Variants in KCTD8 observed in about 807,000 individuals in gnomAD.
The protein encoded by KCTD8 is potassium channel tetramerization domain containing 8.
KCTD8 carries 27 observed loss-of-function variants against 31.5 expected under a neutral mutation model. The observed-to-expected ratio is 0.86, with a 90% CI of 0.63 to 1.18. KCTD8 has a LOEUF of 1.18. Ranked by LOEUF, KCTD8 falls within the 50% of genes most tolerant of loss-of-function variation. KCTD8 has a pLI of 0.00. For missense variants in KCTD8, 658 were observed against 647.7 expected (o/e 1.02, Z -0.17); for synonymous variants, 290 against 280.0 (o/e 1.04, Z -0.36).
chr4:44,441,032 A>G (rs969356286), intron 1 of KCTD8, among the ~76,000 whole-genome samples: 4 of 152,236 alleles, frequency 2.6e-5, no homozygotes, highest in Non-Finnish European at 5.9e-5. Context: ...TCAGACACTA[A>G]TCAGAAACTG....
intron 1 of KCTD8, among the ~76,000 whole-genome samples, chr4:44,342,507 G>A (rs572413098): frequency 1.4e-4 from 21 of 152,176 alleles, no homozygotes; most frequent in African/African-American, 4.3e-4. Flanking sequence ...TAGAGCACAC[G>A]TCAAGTATAT....
At chr4:44,356,231 C>A (rs1271922725) in intron 1 of KCTD8, among the ~76,000 whole-genome samples, 1 of 152,028 alleles carries the variant, frequency 6.6e-6, no homozygotes, top group Admixed American at 6.6e-5. Context: ...AATATTTTAC[C>A]TGCTTTACCA....
At chr4:44,375,344 A>G (rs1719892188) in intron 1 of KCTD8, among the ~76,000 whole-genome samples, 1 of 152,202 alleles carries the variant, frequency 6.6e-6, no homozygotes, top group Non-Finnish European at 1.5e-5. Flanking sequence ...AAATCAAGGT[A>G]GCCTAGGAAA....
At chr4:44,304,610 A>C (rs1456147316) in intron 1 of KCTD8, among the ~76,000 whole-genome samples, 1 of 152,178 alleles carries the variant, frequency 6.6e-6, no homozygotes, top group African/African-American at 2.4e-5. Context: ...TTGTAGATTA[A>C]ACTCTTATAC....
intron 1 of KCTD8, among the ~76,000 whole-genome samples, chr4:44,348,311 T>C (rs1044661779): frequency 3.3e-5 from 5 of 152,168 alleles, no homozygotes; most frequent in African/African-American, 1.2e-4. Context: ...AATGCAATAA[T>C]GCCGCTATCA....
intron 1 of KCTD8, among the ~76,000 whole-genome samples, chr4:44,372,513 A>G (rs563419249): frequency 6.6e-6 from 1 of 152,346 alleles, no homozygotes; most frequent in South Asian, 2.1e-4. Context: ...TTTTAGGAAC[A>G]GTTAAACTGA....
At chr4:44,414,490 C>T (rs1163275994) in intron 1 of KCTD8, among the ~76,000 whole-genome samples, 4 of 151,960 alleles carry the variant, frequency 2.6e-5, no homozygotes, top group African/African-American at 4.8e-5. Context: ...ATAAATGTGT[C>T]GAAAGTAGGG....
intron 1 of KCTD8, among the ~76,000 whole-genome samples, chr4:44,401,069 A>C (rs1017797807): frequency 2.5e-5 from 3 of 119,682 alleles, no homozygotes; most frequent in African/African-American, 6.7e-5. Flanking sequence ...TCTAGGCTGG[A>C]CTCAAACTCC....
intron 1 of KCTD8, among the ~76,000 whole-genome samples, chr4:44,352,547 GTATAT>G (rs1719230089): frequency 6.9e-6 from 1 of 145,322 alleles, no homozygotes; most frequent in African/African-American, 2.5e-5. Context: ...TTATATTTTT[GTATAT>G]TATATATTAA....
intron 1 of KCTD8, among the ~76,000 whole-genome samples, chr4:44,195,850 C>T (rs1713925366): frequency 6.6e-6 from 1 of 152,042 alleles, no homozygotes; most frequent in Non-Finnish European, 1.5e-5. Context: ...AATATAGATG[C>T]TGGTTAATTC....
intron 1 of KCTD8, among the ~76,000 whole-genome samples, chr4:44,342,882 C>A (rs371863775): frequency 1.3e-5 from 2 of 152,214 alleles, no homozygotes; most frequent in Non-Finnish European, 2.9e-5. Context: ...TCTTCTGCAA[C>A]CAGCTCGTCT....
chr4:44,266,090 G>A (rs1388158420), intron 1 of KCTD8, among the ~76,000 whole-genome samples: 1 of 151,950 alleles, frequency 6.6e-6, no homozygotes. Context: ...ACACATAATT[G>A]TCAGATTCAC....
chr4:44,377,558 C>G (rs1187128023), intron 1 of KCTD8, among the ~76,000 whole-genome samples: 1 of 152,130 alleles, frequency 6.6e-6, no homozygotes. Flanking sequence ...CCAGATTTAA[C>G]ATATGCTTGG....
rs536527972 is a variant in KCTD8, at chr4:44,317,367, G to A, written c.961+130196C>T. On this transcript the variant is annotated intron_variant, in intron 1 of 1. Coordinates refer to ENST00000360029, the MANE Select transcript of KCTD8 (RefSeq NM_198353.3). ...CCATTCTCCTGCCTCAGCCTCCCGA[G>A]TAGCTGGGACTACAGGCGCCCGCCA... 8.2e-3 allele frequency among the ~76,000 whole-genome samples: 1,163 copies of A among 142,276 alleles called. 98 individuals are homozygous for A. The highest frequency in any genetic ancestry group is 0.031 in the African/African-American group (1,111 of 35,424). 93.3% of individuals were successfully genotyped at this position (142,276 alleles called of 152,430 possible). A position where few individuals can be genotyped will look rare whatever the true frequency, so the allele number is the denominator to read the frequency against.
chr4:44,215,773 A>C (rs7691618), intron 1 of KCTD8, among the ~76,000 whole-genome samples: 1 of 152,168 alleles, frequency 6.6e-6, no homozygotes, highest in Non-Finnish European at 1.5e-5. Context: ...AAACTAGGGG[A>C]CCAATGTTAA....
chr4:44,284,584 A>G (rs527934896), intron 1 of KCTD8, among the ~76,000 whole-genome samples: 1 of 152,262 alleles, frequency 6.6e-6, no homozygotes, highest in East Asian at 1.9e-4. Context: ...TGTCTAAAAC[A>G]CCAAAAGGAA....
chr4:44,374,777 C>T (rs1044232807), intron 1 of KCTD8, among the ~76,000 whole-genome samples: 5 of 152,062 alleles, frequency 3.3e-5, no homozygotes, highest in South Asian at 4.1e-4. Flanking sequence ...ATCTTCTATG[C>T]GTGTGGTTCA....
At chr4:44,291,549 C>T (rs140032221) in intron 1 of KCTD8, among the ~76,000 whole-genome samples, 9 of 151,952 alleles carry the variant, frequency 5.9e-5, no homozygotes, top group African/African-American at 1.4e-4. Flanking sequence ...ATACCCTTCC[C>T]GACATTGATC....
At chr4:44,258,428 A>G (rs2109364483) in intron 1 of KCTD8, among the ~76,000 whole-genome samples, 1 of 152,096 alleles carries the variant, frequency 6.6e-6, no homozygotes, top group Non-Finnish European at 1.5e-5. Context: ...GCTAGAAAAG[A>G]GTTTAACTAA....
Sources: allele counts gnomAD v4.1 joint callset (sites outside exome capture counted in the v4.1 genomes callset), GRCh38; gene constraint gnomAD v4.1.1; transcripts MANE v1.5; gene names NCBI Gene and HGNC (gene_info 2026-07-23, HGNC 2026-07-21).